The following OSGEP variants were observed in gnomAD, a reference collection of about 807,000 sequenced individuals.
OSGEP encodes the protein O-sialoglycoprotein endopeptidase, also known as tRNA N6-adenosine threonylcarbamoyltransferase.
OSGEP carries 39 observed loss-of-function variants against 44.1 expected under a neutral mutation model. The ratio of observed to expected loss-of-function variants is 0.88; its 90% CI spans 0.69 to 1.16. The LOEUF is 1.16. Among genes scored for constraint, OSGEP ranks in the 50% most tolerant of loss-of-function variants. OSGEP has a pLI of 0.00. For missense variants in OSGEP, 403 were observed against 443.1 expected (o/e 0.91, Z 0.81); for synonymous variants, 139 against 161.9 (o/e 0.86, Z 1.07).
intron 3 of OSGEP, 70 bp from the exon 4 acceptor site, chr14:20,449,336 C>T (rs1009126555): frequency 4.1e-5 from 38 of 932,008 alleles, no homozygotes; most frequent in Non-Finnish European, 6.6e-5. Context: ...GGGAGAAAAA[C>T]ATAGCAGAGG....
intron 5 of OSGEP, 60 bp downstream of exon 5, chr14:20,448,904 T>C: frequency 6.3e-7 from 1 of 1,593,544 alleles, no homozygotes; most frequent in South Asian, 1.1e-5. Context: ...ATATATACCG[T>C]ATATGGGGAA....
intron 6 of OSGEP, 102 bp downstream of exon 6, chr14:20,448,631 T>C: frequency 1.3e-6 from 1 of 799,656 alleles, no homozygotes. Flanking sequence ...AGTACTGTGC[T>C]ACATGAATAT....
intron 1 of OSGEP, among the ~76,000 whole-genome samples, chr14:20,453,468 G>A (rs1388967668): frequency 1.3e-5 from 2 of 151,812 alleles, no homozygotes; most frequent in African/African-American, 2.4e-5. Flanking sequence ...CCGGGTTCAC[G>A]CAATTCTCCT....
Position 20,447,945 on chromosome 14 carries a change from T to C in OSGEP, c.752A>G (p.His251Arg). 1 of 1,614,028 alleles carries C rather than the reference T, an allele frequency of 6.2e-7. No homozygotes were observed. The highest frequency in any genetic ancestry group is 1.1e-5 in the South Asian group (1 of 91,082). ...AATGAGGGCCTCCTGGGAGCCACAA[T>C]GTGCCATGGCTCGCTCTGTGATCTC... ...LVEITERAMAHCGSQEALIVG... is the reference protein window; with the variant it reads ...LVEITERAMARCGSQEALIVG... Residue 251 changes from histidine (H) to arginine (R), a missense_variant, in exon 8 of 11, where the codon CAT (histidine) becomes CGT (arginine). Physicochemically the swap from His to Arg is conservative, Grantham distance 29 (BLOSUM62 0). Transcript: ENST00000206542.
intron 4 of OSGEP, 25 bp from the exon 5 acceptor site, chr14:20,449,038 G>A (rs920659940): frequency 1.9e-6 from 3 of 1,598,982 alleles, no homozygotes; most frequent in African/African-American, 1.3e-5. Flanking sequence ...AAATAAGGAA[G>A]GAGGGAATGG....
rs1880974598 is a variant in OSGEP, at chr14:20,447,432, C to T, written c.958G>A (p.Val320Ile). 1 of 1,613,666 alleles carries T rather than the reference C, an allele frequency of 6.2e-7. No homozygotes were observed. Among genetic ancestry groups the T allele is most frequent in the Non-Finnish European group, 8.5e-7 (1 of 1,179,548 alleles). The stretch of plus-strand genomic sequence containing the variant: ...AGGTGAATCACTCACCTCTGTGTAA[C>T]CCCAGAATCACTGAGTGGGGTCCTG... ...GHRTPLSDSGVTQRYRTDEVE... is the reference protein window; with the variant it reads ...GHRTPLSDSGITQRYRTDEVE... The change falls in exon 10 of 11, where the codon GTT becomes ATT. Residue 320 changes from valine (V) to isoleucine (I), a missense_variant. Coordinates refer to ENST00000206542, the MANE Select transcript of OSGEP (RefSeq NM_017807.4).
intron 6 of OSGEP, among the ~76,000 whole-genome samples, chr14:20,448,434 C>G (rs1395155038): frequency 6.6e-6 from 1 of 152,186 alleles, no homozygotes; most frequent in Non-Finnish European, 1.5e-5. Flanking sequence ...TACTCATCAT[C>G]ATCTGGCACT....
intron 1 of OSGEP, 88 bp downstream of exon 1, chr14:20,454,481 G>C: frequency 1.1e-6 from 1 of 898,416 alleles, no homozygotes; most frequent in Non-Finnish European, 1.9e-6. Flanking sequence ...CGGATCGAAA[G>C]CTGCACCTCA....
chr14:20,448,254 GTCA>G, intron 6 of OSGEP, 83 bp from the exon 7 acceptor site: 1 of 1,083,602 alleles, frequency 9.2e-7, no homozygotes, highest in Non-Finnish European at 1.4e-6. Context: ...CATTCGGAGG[GTCA>G]TCATGTTTCA....
chr14:20,448,895 T>C, intron 5 of OSGEP, 69 bp downstream of exon 5: 27 of 1,592,530 alleles, frequency 1.7e-5, no homozygotes, highest in South Asian at 7.7e-5. Context: ...ATTTTGTTAA[T>C]ATATACCGTA....
At chr14:20,451,070 T>C (rs1267548540) in intron 3 of OSGEP, among the ~76,000 whole-genome samples, 6 of 152,006 alleles carry the variant, frequency 3.9e-5, no homozygotes, top group African/African-American at 4.8e-5. Flanking sequence ...GGTTGCATCA[T>C]TGCACTCCAA....
In OSGEP at chr14:20,452,541, A is replaced by G; in HGVS notation, c.116-93T>C. ...AAAGCAACAGGAGTTTTAGTGATGTAGTAAGAGTCCTTTCACTTTCCCCAA... is the reference window on the plus strand; with the variant it reads ...AAAGCAACAGGAGTTTTAGTGATGTGGTAAGAGTCCTTTCACTTTCCCCAA... On this transcript the variant is annotated intron_variant, in intron 1 of 10. Coordinates refer to ENST00000206542, the MANE Select transcript of OSGEP (RefSeq NM_017807.4). 7.4e-6 allele frequency: 9 copies of G among 1,219,884 alleles called. No individual in the cohort carries two copies. The South Asian group carries it at 1.2e-4, about 16-fold the overall frequency. The allele number at this position is 1,219,884 out of a possible 1,614,324, so 75.6% of individuals were successfully genotyped here. A position where few individuals can be genotyped will look rare whatever the true frequency, so the allele number is the denominator to read the frequency against.
Position 20,446,547 on chromosome 14 carries a change from C to CCG in OSGEP, c.*691_*692dup, listed in dbSNP as rs1203651651. On this transcript the variant is annotated 3_prime_UTR_variant, in exon 11 of 11. Transcript: ENST00000206542. ...AAACTCCTGGGCTCAAGCTATCTTC[C>CCG]CGCCTCAGCCTCCCTTGGAGCTGGG... 6.6e-6 allele frequency: 1 copy of CCG among 152,242 alleles called. No homozygotes were observed. The highest frequency in any genetic ancestry group is 2.4e-5 in the African/African-American group (1 of 41,446). The allele number at this position is 152,242 out of a possible 1,614,324, so 9.4% of individuals were successfully genotyped here.
Position 20,447,319 on chromosome 14 carries a change from T to C in OSGEP, c.969-40A>G, listed in dbSNP as rs1422797351. ...AAGAAACATGGTGGAGAGCGAGCCC[T>C]TAACATCCTTCATTCTTCTCTGCCC... On this transcript the variant is annotated intron_variant, in intron 10 of 10. Transcript: ENST00000206542. The C allele has an allele frequency of 5.0e-6, 8 of 1,612,822 alleles. No homozygotes were observed. In the African/African-American group the frequency reaches 1.1e-4, roughly 22 times the overall value.
At chr14:20,450,288 A>C (rs775830701) in intron 3 of OSGEP, 1 of 152,212 alleles carries the variant, frequency 6.6e-6, no homozygotes, top group Non-Finnish European at 1.5e-5. Flanking sequence ...CTGCAGACTT[A>C]TAACACCGAG....
chr14:20,454,641 C>T lies in OSGEP; in HGVS notation c.43G>A (p.Gly15Ser). The change falls in exon 1 of 11, where the codon GGC (glycine) becomes AGC (serine). Residue 15 changes from glycine to serine, a missense_variant. By Grantham distance (56) the Gly-to-Ser change is moderately conservative (BLOSUM62 0). Transcript: ENST00000206542. The stretch of plus-strand genomic sequence containing the variant: ...TTGCCATCCCGCACCACGCCCACGC[C>T]AATCTTATTGGCGCTGCCTTCAAAA... ...LGFEGSANKI[G>S]VGVVRDGKVL... 1.2e-6 allele frequency: 2 copies of T among 1,614,196 alleles called. No homozygotes were observed. The highest frequency in any genetic ancestry group is 1.7e-6 in the Non-Finnish European group (2 of 1,180,016).
At chr14:20,451,785 T>C in intron 3 of OSGEP, 189 bp downstream of exon 3, 1 of 475,256 alleles carries the variant, frequency 2.1e-6, no homozygotes, top group Non-Finnish European at 3.7e-6. Flanking sequence ...ATAAGCCATC[T>C]AATGTTCTGA....
Position 20,448,959 on chromosome 14 carries a change from C to T in OSGEP, c.557+5G>A. 1.2e-6 allele frequency: 2 copies of T among 1,614,024 alleles called. No homozygotes were observed. The highest frequency in any genetic ancestry group is 1.1e-5 in the South Asian group (1 of 91,074). On this transcript the variant is annotated splice_donor_5th_base_variant and intron_variant, in intron 5 of 10. Transcript: ENST00000206542. ...CCAGCCTGCTTCCACCTTATGTCCC[C>T]TTACCGCTTTGCCATCTGTTCAATG...
At position 20,447,630 on chromosome 14, in the gene OSGEP, A is replaced by C. The variant is rs771811253; in HGVS notation, c.854T>G (p.Phe285Cys). The C allele has an allele frequency of 6.2e-7, 1 of 1,614,106 alleles. No individual in the cohort carries two copies. Among genetic ancestry groups the C allele is most frequent in the South Asian group, 1.1e-5 (1 of 91,090 alleles). The change falls in exon 9 of 11, where the codon TTT becomes TGT. Residue 285 changes from phenylalanine to cysteine, a missense_variant. Phe to Cys is a radical substitution (Grantham distance 205). Coordinates refer to ENST00000206542, the MANE Select transcript of OSGEP (RefSeq NM_017807.4). ...GTGTCTTTACCTCTCATCTGTAGCA[A>C]AAAGCCGGGCTCCACGTTCCTGGCA... ...TMCQERGARL[F>C]ATDERFCIDN... is the part of the protein sequence containing the mutation.
Sources: gnomAD v4.1 joint callset for allele counts (sites outside exome capture counted in the v4.1 genomes callset) on GRCh38, gnomAD v4.1.1 for gene constraint, MANE v1.5 for transcripts, NCBI Gene and HGNC (gene_info 2026-07-23, HGNC 2026-07-21) for gene names.